The following WASHC2A variants were observed in gnomAD, a reference collection of about 807,000 sequenced individuals.
WASHC2A encodes WASH complex subunit FAM21A.
A neutral mutation model predicts 140.3 loss-of-function variants in WASHC2A; 82 were observed. The observed-to-expected ratio is 0.58, with a 90% CI of 0.49 to 0.70. The LOEUF is 0.70. Ranked by LOEUF, WASHC2A falls within the 30% of genes least tolerant of loss-of-function variation. The pLI, the probability that WASHC2A is intolerant of heterozygous loss-of-function variation, is 0.00. For missense variants in WASHC2A, 985 were observed against 1,521.8 expected, an observed-to-expected ratio of 0.65 and a Z score of 5.87; for synonymous variants, 340 against 560.8, an observed-to-expected ratio of 0.61 and a Z score of 5.56.
intron 22 of WASHC2A, 96 bp from the exon 23 acceptor site, chr10:50,119,491 C>G: frequency 1.8e-6 from 1 of 569,034 alleles, no homozygotes; most frequent in Non-Finnish European, 3.0e-6. Flanking sequence ...GCAAATGTGG[C>G]AGTTACTGAA....
At position 50,082,938 on chromosome 10, in the gene WASHC2A, C is replaced by T. The variant is rs1168995559; in HGVS notation, c.529-1134C>T. Among the ~76,000 whole-genome samples the T allele has an allele frequency of 1.7e-5, 2 of 118,228 alleles. 1 individual carries two copies. Among genetic ancestry groups the T allele is most frequent in the Non-Finnish European group, 3.5e-5 (2 of 57,884 alleles). The allele number at this position is 118,228 out of a possible 152,430, so 77.6% of individuals were successfully genotyped here. ...ACCAACTTCAATTTTCTAAATTCAA[C>T]AGTGTGGAACCACTAGGGGGTATTG... On this transcript the variant is annotated intron_variant, in intron 5 of 30. Transcript: ENST00000282633.
intron 16 of WASHC2A, among the ~76,000 whole-genome samples, chr10:50,099,636 A>C (rs1840867935): frequency 7.3e-6 from 1 of 136,884 alleles, no homozygotes; most frequent in African/African-American, 2.9e-5. Flanking sequence ...CCTGGCTGTG[A>C]AGCCCTGACT....
intron 3 of WASHC2A, among the ~76,000 whole-genome samples, chr10:50,077,260 C>T (rs1554878330): frequency 6.6e-6 from 1 of 152,024 alleles, no homozygotes; most frequent in East Asian, 1.9e-4. Context: ...TGCCACTGCA[C>T]TCCAGCCTGG....
chr10:50,126,111 A>G lies in WASHC2A; in HGVS notation c.2743A>G (p.Asn915Asp). 6.2e-7 allele frequency: 1 copy of G among 1,613,934 alleles called. No individual in the cohort carries two copies. Residue 915 changes from asparagine (N) to aspartate (D), a missense_variant, in exon 26 of 31, where the codon AAC becomes GAC. Physicochemically the swap from Asn to Asp is conservative, Grantham distance 23. Transcript: ENST00000282633. ...KKDHSVDSFK[N>D]QKHPESIQGS... ...AGACCACTCTGTTGACTCTTTCAAA[A>G]ACCAGAAACATCCTGAATCCATTCA... is the stretch of plus-strand genomic sequence containing the variant.
intron 3 of WASHC2A, among the ~76,000 whole-genome samples, chr10:50,073,428 C>G (rs1475186479): frequency 1.3e-5 from 2 of 151,488 alleles, no homozygotes; most frequent in African/African-American, 4.9e-5. Flanking sequence ...TAATGGGACA[C>G]TAGGCATAAA....
intron 3 of WASHC2A, among the ~76,000 whole-genome samples, chr10:50,072,367 A>G (rs1353192258): frequency 6.6e-6 from 1 of 151,774 alleles, no homozygotes; most frequent in Non-Finnish European, 1.5e-5. Context: ...ATAAGGCCAC[A>G]TGCTATAGGT....
chr10:50,077,165 C>T (rs537067550), intron 3 of WASHC2A, among the ~76,000 whole-genome samples: 1 of 149,952 alleles, frequency 6.7e-6, no homozygotes, highest in Non-Finnish European at 1.5e-5. Context: ...GTGGTGGTGC[C>T]CGCCTGTAAT....
chr10:50,094,491 A>G (rs1355075023), intron 13 of WASHC2A, among the ~76,000 whole-genome samples: 3 of 152,008 alleles, frequency 2.0e-5, no homozygotes, highest in Non-Finnish European at 4.4e-5. Flanking sequence ...TTTAAAAAAC[A>G]CAAATATAAA....
At chr10:50,077,116 CA>C (rs1337138073) in intron 3 of WASHC2A, among the ~76,000 whole-genome samples, 19,630 of 119,728 alleles carry the variant, frequency 0.16, 1,368 homozygotes, top group Middle Eastern at 0.26. Context: ...GACTCCATCT[CA>C]AAAAAAAAAA....
At chr10:50,127,420 G>T (rs1843530666) in intron 27 of WASHC2A, among the ~76,000 whole-genome samples, 163 bp from the exon 28 acceptor site, 1 of 152,160 alleles carries the variant, frequency 6.6e-6, no homozygotes, top group South Asian at 2.1e-4. Context: ...ATAGGTGTAA[G>T]ACGCTCTGTT....
At chr10:50,106,609 G>A (rs1342778706) in intron 19 of WASHC2A, 144 bp downstream of exon 19, 4 of 1,387,116 alleles carry the variant, frequency 2.9e-6, no homozygotes, top group Admixed American at 2.4e-5. Flanking sequence ...CTTTTCTGAC[G>A]GAAGACATTT....
At chr10:50,112,912 A>C (rs1842400548) in intron 20 of WASHC2A, among the ~76,000 whole-genome samples, 1 of 149,444 alleles carries the variant, frequency 6.7e-6, no homozygotes, top group African/African-American at 2.5e-5. Context: ...ATGGAGAGTG[A>C]TGGCTCATAG....
chr10:50,070,363 G>A (rs574674132), intron 3 of WASHC2A, among the ~76,000 whole-genome samples: 13 of 152,216 alleles, frequency 8.5e-5, no homozygotes, highest in Non-Finnish European at 1.8e-4. Context: ...CTTAAGAGAT[G>A]AGGATGGAGA....
chr10:50,068,173 G>A lies in WASHC2A; in HGVS notation c.72G>A (p.Ser24=), dbSNP rs573775903. Residue 24 remains serine, a synonymous_variant, in exon 2 of 31, where the codon TCG becomes TCA. Coordinates refer to ENST00000282633, the MANE Select transcript of WASHC2A (RefSeq NM_001005751.3). The stretch of plus-strand genomic sequence containing the variant: ...AGCCCGTGTGGGAGCGGCCGTGGTC[G>A]GTGGAGGAGATCCGCAGGAGCAGCC... ...ASEPVWERPW[S]VEEIRRSSQS... is the part of the protein sequence containing the mutation. 3.6e-5 allele frequency: 58 copies of A among 1,600,628 alleles called. 1 individual carries two copies. The Admixed American group carries it at 9.6e-4, about 27-fold the overall frequency.
chr10:50,132,600 C>T (rs1844079193), intron 30 of WASHC2A, among the ~76,000 whole-genome samples: 1 of 152,150 alleles, frequency 6.6e-6, no homozygotes, highest in Admixed American at 6.5e-5. Flanking sequence ...AGAAATTGTG[C>T]TCCAAGAGAA....
At chr10:50,124,761 T>C (rs1843282682) in intron 23 of WASHC2A, among the ~76,000 whole-genome samples, 1 of 151,228 alleles carries the variant, frequency 6.6e-6, no homozygotes, top group Non-Finnish European at 1.5e-5. Flanking sequence ...ACCTTCAAAA[T>C]GTTTCTCATT....
intron 19 of WASHC2A, 26 bp from the exon 20 acceptor site, chr10:50,110,075 T>G: frequency 6.3e-7 from 1 of 1,597,024 alleles, no homozygotes; most frequent in South Asian, 1.1e-5. Flanking sequence ...TGGCCTGGAG[T>G]TTTAATATAT....
At chr10:50,086,204 C>G (rs1385860440) in intron 7 of WASHC2A, among the ~76,000 whole-genome samples, 1 of 151,276 alleles carries the variant, frequency 6.6e-6, no homozygotes, top group East Asian at 1.9e-4. Flanking sequence ...GTGCTTTTCT[C>G]TTCTGGTTGG....
chr10:50,112,052 TA>T lies in WASHC2A; in HGVS notation c.2039+1785del, dbSNP rs1488079649. ...CAAAAAAAAAGGCCTTTCCTAACTT[TA>T]AACAGACGAGAAAGAGAAGAAGTAG... On this transcript the variant is annotated intron_variant, in intron 20 of 30. Transcript: ENST00000282633. 457 of 985,288 alleles carry T rather than the reference TA, an allele frequency of 4.6e-4. 4 individuals are homozygous for T. The African/African-American group carries it at 7.5e-3, about 16-fold the overall frequency. The allele number at this position is 985,288 out of a possible 1,614,324, so 61.0% of individuals were successfully genotyped here.
Sources: allele counts gnomAD v4.1 joint callset (sites outside exome capture counted in the v4.1 genomes callset), GRCh38; gene constraint gnomAD v4.1.1; transcripts MANE v1.5; gene names NCBI Gene and HGNC (gene_info 2026-07-23, HGNC 2026-07-21).